ALOXE3: variants seen among roughly 807,000 people sequenced by gnomAD.
ALOXE3 encodes arachidonate epidermal lipoxygenase 3.
ALOXE3 carries 78 observed loss-of-function variants against 87.5 expected under a neutral mutation model. The ratio of observed to expected loss-of-function variants is 0.89; its 90% CI spans 0.74 to 1.08. The LOEUF is 1.08. Among genes scored for constraint, ALOXE3 ranks in the 50% least tolerant of loss-of-function variants. ALOXE3 has a pLI of 0.00. For synonymous variants in ALOXE3, 363 were observed against 370.8 expected (o/e 0.98, Z 0.24); for missense variants, 946 against 912.4 (o/e 1.04, Z -0.47).
At chr17:8,098,197 T>G (rs1978673489) in intron 15 of ALOXE3, among the ~76,000 whole-genome samples, 1 of 150,956 alleles carries the variant, frequency 6.6e-6, no homozygotes, top group Admixed American at 6.6e-5. Flanking sequence ...GGTCTCACCA[T>G]AAATACAGTG....
chr17:8,114,561 T>C lies in ALOXE3; in HGVS notation c.603A>G (p.Pro201=), dbSNP rs1163312656. The part of the protein sequence containing the change: ...LPGFPMKIDI[P]SLMYMEPNVR... ...CATTGGGCTCCATGTACATCAGGGA[T>C]GGGATGTCAATTTTCATGGGGAAGC... Residue 201 remains proline, a synonymous_variant, in exon 6 of 16, where the codon CCA becomes CCG. Coordinates refer to ENST00000448843, the MANE Select transcript of ALOXE3 (RefSeq NM_021628.3). 6 of 1,613,480 alleles carry C rather than the reference T, an allele frequency of 3.7e-6. No homozygotes were observed. In the Admixed American group the frequency reaches 8.3e-5, roughly 22 times the overall value.
intron 3 of ALOXE3, among the ~76,000 whole-genome samples, 175 bp from the exon 4 acceptor site, chr17:8,115,863 C>A (rs1398421920): frequency 6.6e-6 from 1 of 152,254 alleles, no homozygotes; most frequent in East Asian, 1.9e-4. Context: ...TTCAAGACAG[C>A]TTCACCCCCA....
chr17:8,100,983 T>C (rs1433264361), intron 15 of ALOXE3, among the ~76,000 whole-genome samples: 2 of 152,096 alleles, frequency 1.3e-5, no homozygotes, highest in African/African-American at 4.8e-5. Context: ...GGAACTACCA[T>C]TTATTGAACA....
chr17:8,112,534 A>G (rs951322919), intron 6 of ALOXE3, among the ~76,000 whole-genome samples: 2 of 152,070 alleles, frequency 1.3e-5, no homozygotes, highest in African/African-American at 4.8e-5. Flanking sequence ...CCCTCTGCCT[A>G]CAGGACAGAG....
intron 15 of ALOXE3, among the ~76,000 whole-genome samples, chr17:8,099,298 A>G (rs1045975844): frequency 6.6e-6 from 1 of 152,234 alleles, no homozygotes; most frequent in East Asian, 1.9e-4. Context: ...AGGCCATTAC[A>G]TAACTAAAGT....
intron 13 of ALOXE3, among the ~76,000 whole-genome samples, chr17:8,105,995 T>C (rs117561003): frequency 0.02 from 3,010 of 148,496 alleles, 43 homozygotes; most frequent in South Asian, 0.035. Context: ...GGGGACCTAA[T>C]TGGAGGTGAG....
intron 4 of ALOXE3, 95 bp downstream of exon 4, chr17:8,115,512 C>A: frequency 7.5e-7 from 1 of 1,334,990 alleles, no homozygotes; most frequent in South Asian, 1.2e-5. Context: ...AGCTAGGCAC[C>A]CAAGGTTGAG....
At chr17:8,102,270 G>A (rs1391321989) in intron 15 of ALOXE3, among the ~76,000 whole-genome samples, 1 of 152,142 alleles carries the variant, frequency 6.6e-6, no homozygotes, top group Non-Finnish European at 1.5e-5. Flanking sequence ...CAAGATGGGT[G>A]GATCACAAGG....
intron 6 of ALOXE3, 110 bp from the exon 7 acceptor site, chr17:8,112,306 G>A (rs138883830): frequency 1.5e-5 from 12 of 804,274 alleles, no homozygotes; most frequent in African/African-American, 1.3e-4. Context: ...CCAGAGTAGA[G>A]ATGCCTAACA....
rs781376374 is a variant in ALOXE3 at position 8,109,332 on chromosome 17, G to T, written c.1404C>A (p.Ile468=). Residue 468 remains isoleucine, a synonymous_variant, in exon 12 of 16, where the codon ATC becomes ATA. Coordinates refer to ENST00000448843, the MANE Select transcript of ALOXE3 (RefSeq NM_021628.3). ...PEGLVDQVTS[I]GRQGLIYLMS... ...TGAGGTAGATGAGGCCTTGCCTCCCGATGGACGTGACCTGAGGACACAGCA... is the reference window on the plus strand; with the variant it reads ...TGAGGTAGATGAGGCCTTGCCTCCCTATGGACGTGACCTGAGGACACAGCA... 3.7e-6 allele frequency: 6 copies of T among 1,613,672 alleles called. No homozygotes were observed. In the African/African-American group the frequency reaches 6.7e-5, roughly 18 times the overall value.
intron 13 of ALOXE3, 122 bp downstream of exon 13, chr17:8,108,346 T>C (rs892894825): frequency 1.4e-6 from 2 of 1,412,216 alleles, no homozygotes; most frequent in African/African-American, 1.4e-5. Flanking sequence ...TATCTGCTAG[T>C]TGGGGATATT....
intron 15 of ALOXE3, among the ~76,000 whole-genome samples, chr17:8,100,121 G>A (rs1978829974): frequency 6.8e-6 from 1 of 146,528 alleles, no homozygotes; most frequent in African/African-American, 2.5e-5. Flanking sequence ...GAGAAAGAAA[G>A]AGAGGGAGGG....
chr17:8,111,191 C>G (rs1014737579), intron 8 of ALOXE3, among the ~76,000 whole-genome samples, 168 bp downstream of exon 8: 2 of 152,228 alleles, frequency 1.3e-5, no homozygotes, highest in Non-Finnish European at 2.9e-5. Context: ...GACCCTCATC[C>G]GTATCTGCTC....
chr17:8,109,817 C>T, intron 11 of ALOXE3, 99 bp downstream of exon 11: 1 of 1,261,056 alleles, frequency 7.9e-7, no homozygotes, highest in Non-Finnish European at 1.1e-6. Context: ...CCCCAGGTGT[C>T]CTCACAAGGG....
intron 8 of ALOXE3, 22 bp from the exon 9 acceptor site, chr17:8,110,550 T>C (rs751512954): frequency 2.8e-5 from 45 of 1,613,400 alleles, no homozygotes; most frequent in Non-Finnish European, 3.6e-5. Context: ...ACACAGAGGC[T>C]GAGTGTCCCT....
chr17:8,108,698 G>T, intron 12 of ALOXE3, 109 bp from the exon 13 acceptor site: 7 of 1,497,110 alleles, frequency 4.7e-6, no homozygotes, highest in South Asian at 4.6e-5. Context: ...AGCCATGGGG[G>T]TTCAGCAGGG....
chr17:8,097,210 G>T (rs1978598668), intron 15 of ALOXE3, among the ~76,000 whole-genome samples: 1 of 152,044 alleles, frequency 6.6e-6, no homozygotes. Context: ...GCCCACTGCA[G>T]CCTCAAACTC....
intron 15 of ALOXE3, among the ~76,000 whole-genome samples, chr17:8,099,061 A>G (rs1978757561): frequency 7.1e-6 from 1 of 140,538 alleles, no homozygotes. Flanking sequence ...GTCTCACTAT[A>G]TTACTCAGGC....
chr17:8,117,378 C>A (rs1414495500), intron 2 of ALOXE3, among the ~76,000 whole-genome samples: 17 of 152,224 alleles, frequency 1.1e-4, no homozygotes. Flanking sequence ...TGAGATCACA[C>A]CACTGCCCTC....
Sources: allele counts gnomAD v4.1 joint callset (sites outside exome capture counted in the v4.1 genomes callset), GRCh38; gene constraint gnomAD v4.1.1; transcripts MANE v1.5; gene names NCBI Gene and HGNC (gene_info 2026-07-23, HGNC 2026-07-21).